SANBR: variants seen among roughly 807,000 people sequenced by gnomAD.
The protein encoded by SANBR is SANT and BTB domain regulator of CSR.
A neutral mutation model predicts 101.8 loss-of-function variants in SANBR; 77 were observed. That is an observed-to-expected ratio of 0.76 (90% CI 0.63 to 0.91). SANBR has a LOEUF of 0.91. Ranked by LOEUF, SANBR falls within the 40% of genes least tolerant of loss-of-function variation. The pLI is 0.00. For missense variants in SANBR, 875 were observed against 853.0 expected (o/e 1.03, Z -0.32); for synonymous variants, 279 against 274.7 (o/e 1.02, Z -0.15).
intron 6 of SANBR, among the ~76,000 whole-genome samples, chr2:61,079,197 C>G (rs1169605060): frequency 1.3e-5 from 2 of 151,722 alleles, no homozygotes; most frequent in Non-Finnish European, 2.9e-5. Context: ...AAAGAAAAAC[C>G]CTTTAGGATT....
downstream of SANBR, among the ~76,000 whole-genome samples, chr2:61,125,609 C>T (rs1281369046): frequency 6.6e-6 from 1 of 152,206 alleles, no homozygotes; most frequent in Non-Finnish European, 1.5e-5. Context: ...AGCTCTCTTT[C>T]TAAGATGTAT....
chr2:61,096,438 A>C (rs955575384), intron 11 of SANBR, among the ~76,000 whole-genome samples: 8 of 152,198 alleles, frequency 5.3e-5, no homozygotes, highest in African/African-American at 1.9e-4. Flanking sequence ...GGTCCATCCT[A>C]ACCAACCTTT....
intron 7 of SANBR, among the ~76,000 whole-genome samples, chr2:61,081,798 G>A (rs1682146236): frequency 6.6e-6 from 1 of 152,082 alleles, no homozygotes. Context: ...ACAGGCGCAT[G>A]CCACTACGCC....
intron 20 of SANBR, 107 bp downstream of exon 20, chr2:61,118,223 A>G: frequency 2.8e-6 from 2 of 723,182 alleles, no homozygotes; most frequent in Non-Finnish European, 4.5e-6. Flanking sequence ...TAAAAGAGTA[A>G]TTTATGTGTT....
In SANBR at chr2:61,117,513, T is replaced by C; in HGVS notation, c.1912T>C (p.Phe638Leu). 1 of 1,613,814 alleles carries C rather than the reference T, an allele frequency of 6.2e-7. No homozygotes were observed. The highest frequency in any genetic ancestry group is 8.5e-7 in the Non-Finnish European group (1 of 1,179,826). The change falls in exon 19 of 22, where the codon TTC (phenylalanine) becomes CTC (leucine). Residue 638 changes from phenylalanine to leucine, a missense_variant. By Grantham distance (22) the Phe-to-Leu change is conservative (BLOSUM62 0). Coordinates refer to ENST00000402291, the MANE Select transcript of SANBR (RefSeq NM_001129993.3). ...NKWDATRSLR[F>L]NQDAQREDDQ... ...GTGGGATGCCACAAGATCCTTGAGA[T>C]TCAACCAGGATGCACAAAGAGAAGA... is the stretch of plus-strand genomic sequence containing the variant.
Position 61,083,236 on chromosome 2 carries a change from ATCT to A in SANBR, c.816_818del (p.Leu273del). 1 of 1,610,788 alleles carries A rather than the reference ATCT, an allele frequency of 6.2e-7. No individual in the cohort carries two copies. On this transcript the variant is annotated inframe_deletion, in exon 8 of 22. Transcript: ENST00000402291. The stretch of plus-strand genomic sequence containing the variant: ...TGCAACATGAACTGTATTAATGCAA[ATCT>A]TCTCACACGTATAGCTGATCTGTTC...
intron 21 of SANBR, among the ~76,000 whole-genome samples, chr2:61,137,164 G>C (rs1684877520): frequency 6.6e-6 from 1 of 151,906 alleles, no homozygotes. Flanking sequence ...TGTAGTCCCA[G>C]CTACTCAGGA....
intron 12 of SANBR, among the ~76,000 whole-genome samples, chr2:61,099,007 C>T (rs537783588): frequency 1.3e-5 from 2 of 152,274 alleles, no homozygotes; most frequent in East Asian, 3.9e-4. Context: ...AGGTTGAGAT[C>T]TGAAGGATTC....
intron 20 of SANBR, among the ~76,000 whole-genome samples, chr2:61,130,929 CAAAAAAAAAAAAA>C (rs59171411): frequency 2.3e-4 from 3 of 13,230 alleles, no homozygotes; most frequent in Non-Finnish European, 2.8e-4. Flanking sequence ...GACTCTGTCT[CAAAAAAAAAAAAA>C]AAAAAAAAAA....
In SANBR at chr2:61,116,100, C is replaced by A; in HGVS notation, c.1836+30C>A. The A allele has an allele frequency of 2.8e-6, 4 of 1,444,524 alleles. No individual in the cohort carries two copies. The South Asian group carries it at 4.9e-5, about 18-fold the overall frequency. The allele number at this position is 1,444,524 out of a possible 1,614,324, so 89.5% of individuals were successfully genotyped here. On this transcript the variant is annotated intron_variant, in intron 17 of 21. Transcript: ENST00000402291. ...CTCTGAATTATCTGTTGTTAAAGTT[C>A]ATATGGAAAAATAAGCATGTGAGTA...
intron 1 of SANBR, among the ~76,000 whole-genome samples, chr2:61,067,491 A>G (rs2104833480): frequency 6.6e-6 from 1 of 152,278 alleles, no homozygotes; most frequent in Non-Finnish European, 1.5e-5. Context: ...TAATCCCAGC[A>G]CTTTGGGAGG....
At chr2:61,089,105 T>C (rs1190588350) in intron 10 of SANBR, 3 of 982,990 alleles carry the variant, frequency 3.1e-6, no homozygotes, top group Admixed American at 6.1e-5. Context: ...AAATGTTATA[T>C]TGAATTTTAC....
rs527257409 is a variant in SANBR, at chr2:61,134,850, C to T, written c.*44+574C>T. ...TGGAGGTTGCAGTGAGCTGAGATCG[C>T]GCCACTGCACTCCAGCCTTGCAACA... On this transcript the variant is annotated intron_variant, in intron 21 of 21. Transcript: ENST00000295031. Among the ~76,000 whole-genome samples the T allele has an allele frequency of 5.9e-5, 9 of 151,912 alleles. No homozygotes were observed. The East Asian group carries it at 7.8e-4, about 13-fold the overall frequency.
chr2:61,091,369 A>T (rs1682747110), intron 10 of SANBR, among the ~76,000 whole-genome samples: 1 of 151,968 alleles, frequency 6.6e-6, no homozygotes, highest in Non-Finnish European at 1.5e-5. Context: ...AGGCGGGTGG[A>T]TCACCTGAGG....
chr2:61,067,650 C>T (rs949421033), intron 1 of SANBR, among the ~76,000 whole-genome samples: 3 of 152,048 alleles, frequency 2.0e-5, no homozygotes, highest in Non-Finnish European at 4.4e-5. Flanking sequence ...GCAGGAGAAT[C>T]GCTTGAACCC....
chr2:61,103,797 T>A (rs1683406222), intron 12 of SANBR, 56 bp from the exon 13 acceptor site: 1 of 1,520,556 alleles, frequency 6.6e-7, no homozygotes, highest in East Asian at 2.3e-5. Flanking sequence ...ACAGTGATCT[T>A]TAAAGGAGTG....
chr2:61,092,232 A>G (rs1682797765), intron 10 of SANBR, among the ~76,000 whole-genome samples: 1 of 152,174 alleles, frequency 6.6e-6, no homozygotes, highest in South Asian at 2.1e-4. Flanking sequence ...TAAAAATACA[A>G]AATTAGCTGG....
At chr2:61,077,307 T>G in intron 6 of SANBR, 149 bp downstream of exon 6, 1 of 648,958 alleles carries the variant, frequency 1.5e-6, no homozygotes. Context: ...GATAACCTCA[T>G]CTTTTTTAGT....
intron 5 of SANBR, among the ~76,000 whole-genome samples, chr2:61,076,659 A>T (rs1212622304): frequency 6.6e-6 from 1 of 151,764 alleles, no homozygotes; most frequent in Non-Finnish European, 1.5e-5. Context: ...AAAAGAAATT[A>T]GAAATTTCAA....
Sources: gnomAD v4.1 joint callset for allele counts (sites outside exome capture counted in the v4.1 genomes callset) on GRCh38, gnomAD v4.1.1 for gene constraint, MANE v1.5 for transcripts, NCBI Gene and HGNC (gene_info 2026-07-23, HGNC 2026-07-21) for gene names.